The following ZBED6 variants were observed in gnomAD, a reference collection of about 807,000 sequenced individuals.
The protein encoded by ZBED6 is zinc finger BED-type containing 6, also known as zinc finger BED domain-containing protein 6.
ZBED6 carries 40 observed loss-of-function variants against 58.4 expected under a neutral mutation model. That is an observed-to-expected ratio of 0.68 (90% CI 0.53 to 0.89). The LOEUF (loss-of-function observed/expected upper bound fraction) is 0.89. ZBED6 is among the 40% of genes least tolerant of loss of function. ZBED6 has a pLI of 0.00. For synonymous variants in ZBED6, 439 were observed against 350.6 expected (o/e 1.25, Z -2.82); for missense variants, 1,057 against 1,003.9 (o/e 1.05, Z -0.71).
At position 203,818,695 on chromosome 1, in the gene ZBED6, T is replaced by C. The variant is rs1355865399; in HGVS notation, c.*2873+6T>C. ...TTCGGCACATGGAGATTGATGTAAG[T>C]TTTTTATTTCCGTTATCATAATAAG... On this transcript the variant is annotated splice_donor_region_variant and intron_variant, in intron 3 of 16. Coordinates refer to ENST00000550078, the Ensembl canonical transcript of ZBED6. 5 of 1,613,910 alleles carry C rather than the reference T, an allele frequency of 3.1e-6. No individual in the cohort carries two copies. Among genetic ancestry groups the C allele is most frequent in the Admixed American group, 1.7e-5 (1 of 59,984 alleles).
chr1:203,837,454 CTT>C (rs148758453), intron 9 of ZBED6, among the ~76,000 whole-genome samples: 1 of 143,968 alleles, frequency 6.9e-6, no homozygotes. Flanking sequence ...CCTTGTCTCT[CTT>C]TTTTTTTTTT....
intron 1 of ZBED6, among the ~76,000 whole-genome samples, chr1:203,815,216 C>CTTTCTTTTTTT (rs767809337): frequency 5.1e-5 from 5 of 97,154 alleles, no homozygotes; most frequent in African/African-American, 1.9e-4. Flanking sequence ...CTTTTCTTTT[C>CTTTCTTTTTTT]TTTTTTTTTT....
At position 203,833,375 on chromosome 1, in the gene ZBED6, A is replaced by C. The variant is rs540833752; in HGVS notation, c.*3511-416A>C. Reference sequence around the variant, plus strand: ...GTGAGACTCTGTCTCAAAAAAAAAAAAAAAAAAAACACCAGGTGTGGTAGT... The same window carrying C: ...GTGAGACTCTGTCTCAAAAAAAAAACAAAAAAAAACACCAGGTGTGGTAGT... On this transcript the variant is annotated intron_variant, in intron 8 of 16. Transcript: ENST00000550078. 3.8e-4 allele frequency among the ~76,000 whole-genome samples: 56 copies of C among 148,312 alleles called. 2 individuals carry two copies. In the South Asian group the frequency reaches 0.012, roughly 30 times the overall value.
intron 1 of ZBED6, among the ~76,000 whole-genome samples, chr1:203,813,435 C>T (rs953173724): frequency 6.6e-6 from 1 of 151,988 alleles, no homozygotes; most frequent in Admixed American, 6.6e-5. Flanking sequence ...AGTTGTTATC[C>T]ATGTTATTTT....
intron 11 of ZBED6, among the ~76,000 whole-genome samples, chr1:203,844,057 A>G (rs976377404): frequency 6.6e-6 from 1 of 151,758 alleles, no homozygotes; most frequent in East Asian, 1.9e-4. Context: ...GGGCTTCTCC[A>G]TGTTGGTCAG....
rs1295656148 is a variant in ZBED6 at position 203,804,309 on chromosome 1, G to A, written c.*2554+1293G>A. 3.3e-5 allele frequency among the ~76,000 whole-genome samples: 5 copies of A among 151,850 alleles called. No individual in the cohort carries two copies. The South Asian group carries it at 6.2e-4, about 19-fold the overall frequency. Reference sequence around the variant, plus strand: ...TGGGACTACAGGCACCCGCCACCTCGCCTGGCTAACTTTTTTGTATTTTTA... The same window carrying A: ...TGGGACTACAGGCACCCGCCACCTCACCTGGCTAACTTTTTTGTATTTTTA... On this transcript the variant is annotated intron_variant, in intron 1 of 16. Transcript: ENST00000550078.
rs906835988 is a variant in ZBED6, at chr1:203,838,082, T to C, written c.*3672+18T>C. 19 of 1,609,178 alleles carry C rather than the reference T, an allele frequency of 1.2e-5. No individual in the cohort carries two copies. The African/African-American group carries it at 2.4e-4, about 20-fold the overall frequency. ...AAAGAAAGGTACCTGTGTTCTTACA[T>C]ACTTTGTGTGTGTATGTAATTATGA... On this transcript the variant is annotated intron_variant, in intron 10 of 16. Coordinates refer to ENST00000550078, the Ensembl canonical transcript of ZBED6.
rs771672992 is a variant in ZBED6 at position 203,849,908 on chromosome 1, C to T, written c.*4520C>T. On this transcript the variant is annotated 3_prime_UTR_variant, in exon 14 of 17. Coordinates refer to ENST00000550078, the Ensembl canonical transcript of ZBED6. ...CTGCTGTGCCAGGAATCACACGGCA[C>T]CTGACCAAGCGGCTTCCCACAAAGT... 19 of 1,613,924 alleles carry T rather than the reference C, an allele frequency of 1.2e-5. No homozygotes were observed. The highest frequency in any genetic ancestry group is 1.6e-4 in the Middle Eastern group (1 of 6,084).
Position 203,799,169 on chromosome 1 carries a change from G to A in ZBED6, c.1647G>A (p.Leu549=), listed in dbSNP as rs774043096. 5 of 1,394,778 alleles carry A rather than the reference G, an allele frequency of 3.6e-6. No homozygotes were observed. The South Asian group carries it at 6.2e-5, about 17-fold the overall frequency. The allele number at this position is 1,394,778 out of a possible 1,614,324, so 86.4% of individuals were successfully genotyped here. The stretch of plus-strand genomic sequence containing the variant: ...AAGAATTAAATGACCAGATTGGTCT[G>A]TGGCTTTCTCCAAATTTCCTTATCC... The change falls in exon 1 of 17, where the codon CTG becomes CTA. Residue 549 remains leucine (L), a synonymous_variant. Transcript: ENST00000550078.
At chr1:203,832,094 T>C (rs903174968) in intron 8 of ZBED6, among the ~76,000 whole-genome samples, 5 of 152,230 alleles carry the variant, frequency 3.3e-5, no homozygotes, top group East Asian at 1.9e-4. Flanking sequence ...GTTGCACTCC[T>C]GTTGCCTAGG....
rs756553455 is a variant in ZBED6, at chr1:203,800,037, A to G, written c.2515A>G (p.Ser839Gly). The change falls in exon 1 of 17, where the codon AGT becomes GGT. Residue 839 changes from serine to glycine, a missense_variant. Transcript: ENST00000550078. ...CTCATCTCTAAAAGAAGGCACCTCCAGTTCAGGTTCTGTTGATAGCTCAGC... is the reference window on the plus strand; with the variant it reads ...CTCATCTCTAAAAGAAGGCACCTCCGGTTCAGGTTCTGTTGATAGCTCAGC... The G allele has an allele frequency of 5.2e-6, 8 of 1,536,136 alleles. No individual in the cohort carries two copies. In the South Asian group the frequency reaches 8.3e-5, roughly 16 times the overall value.
At position 203,822,082 on chromosome 1, in the gene ZBED6, G is replaced by A. The variant is rs1413351344; in HGVS notation, c.*2873+3393G>A. On this transcript the variant is annotated intron_variant, in intron 3 of 16. Transcript: ENST00000550078. ...CTATGTATTTAATAATAGATACATAGTATTACAAATTATGAGTTCATATAG... is the reference window on the plus strand; with the variant it reads ...CTATGTATTTAATAATAGATACATAATATTACAAATTATGAGTTCATATAG... 2.6e-5 allele frequency among the ~76,000 whole-genome samples: 4 copies of A among 152,212 alleles called. 1 individual carries two copies. Among genetic ancestry groups the A allele is most frequent in the Admixed American group, 1.3e-4 (2 of 15,286 alleles).
intron 1 of ZBED6, among the ~76,000 whole-genome samples, chr1:203,805,219 C>T (rs1406133114): frequency 6.6e-6 from 1 of 151,028 alleles, no homozygotes; most frequent in African/African-American, 2.4e-5. Context: ...ACTGGACCTC[C>T]GCCTCCTGGG....
chr1:203,815,707 CTT>C (rs553559710), intron 1 of ZBED6, among the ~76,000 whole-genome samples: 7 of 152,248 alleles, frequency 4.6e-5, no homozygotes, highest in Admixed American at 3.9e-4. Context: ...ATCAAGGTGA[CTT>C]TTCATCATGG....
chr1:203,807,521 T>G (rs144528754), intron 1 of ZBED6, among the ~76,000 whole-genome samples: 24 of 151,856 alleles, frequency 1.6e-4, no homozygotes, highest in African/African-American at 5.5e-4. Flanking sequence ...TTTGTCTTAC[T>G]GTTTTTTTTT....
intron 1 of ZBED6, 71 bp downstream of exon 1, chr1:203,803,087 T>C (rs944430512): frequency 6.6e-6 from 1 of 152,528 alleles, no homozygotes; most frequent in African/African-American, 2.4e-5. Context: ...ATAATTTTCA[T>C]GGATCAGTAA....
rs1159322906 is a variant in ZBED6, at chr1:203,817,667, A to G, written c.*2753+543A>G. The stretch of plus-strand genomic sequence containing the variant: ...TTGATTCTTTTGCAGCTCTATTTAC[A>G]TATACCTATTGCTTTCTGTGATTTT... On this transcript the variant is annotated intron_variant, in intron 2 of 16. Transcript: ENST00000550078. 3.9e-5 allele frequency among the ~76,000 whole-genome samples: 6 copies of G among 152,032 alleles called. No individual in the cohort carries two copies. The East Asian group carries it at 9.6e-4, about 24-fold the overall frequency.
intron 8 of ZBED6, among the ~76,000 whole-genome samples, chr1:203,832,358 G>A (rs1470039768): frequency 6.6e-6 from 1 of 151,882 alleles, no homozygotes; most frequent in East Asian, 1.9e-4. Flanking sequence ...ACCGTTCTTG[G>A]CCATTAATTT....
chr1:203,838,926 G>A (rs1311229531), intron 10 of ZBED6, among the ~76,000 whole-genome samples: 1 of 135,604 alleles, frequency 7.4e-6, no homozygotes, highest in Non-Finnish European at 1.5e-5. Context: ...CTGCACTCCA[G>A]CCTGGGTGAC....
Sources: gnomAD v4.1 joint callset for allele counts (sites outside exome capture counted in the v4.1 genomes callset) on GRCh38, gnomAD v4.1.1 for gene constraint, MANE v1.5 for transcripts, NCBI Gene and HGNC (gene_info 2026-07-23, HGNC 2026-07-21) for gene names.